CREB3L1: variants seen among roughly 807,000 people sequenced by gnomAD.
CREB3L1 encodes cAMP responsive element binding protein 3 like 1.
CREB3L1 carries 33 observed loss-of-function variants against 54.5 expected under a neutral mutation model. The ratio of observed to expected loss-of-function variants is 0.61; its 90% CI spans 0.46 to 0.81. The LOEUF is 0.81. CREB3L1 is among the 30% of genes least tolerant of loss of function. The pLI, the probability that CREB3L1 is intolerant of heterozygous loss-of-function variation, is 0.00. For synonymous variants in CREB3L1, 284 were observed against 286.4 expected, an observed-to-expected ratio of 0.99 and a Z score of 0.08; for missense variants, 656 against 673.3, an observed-to-expected ratio of 0.97 and a Z score of 0.29.
At position 46,320,290 on chromosome 11, in the gene CREB3L1, G is replaced by A. The variant is rs1170864052; in HGVS notation, c.1285G>A (p.Asp429Asn). 24 of 1,611,148 alleles carry A rather than the reference G, an allele frequency of 1.5e-5. No homozygotes were observed. Among genetic ancestry groups the A allele is most frequent in the South Asian group, 3.3e-5 (3 of 90,796 alleles). ...QMPSRSLLFY[D>N]DGAGLWEDGR... The stretch of plus-strand genomic sequence containing the variant: ...GCCCTCCCGAAGCCTCCTATTCTAC[G>A]ATGACGGGGCAGGCTTATGGGAAGA... The change falls in exon 11 of 12, where the codon GAT becomes AAT. Residue 429 changes from aspartate (D) to asparagine (N), a missense_variant. Coordinates refer to ENST00000621158, the MANE Select transcript of CREB3L1 (RefSeq NM_052854.4).
chr11:46,278,052 C>T lies in CREB3L1; in HGVS notation c.-60C>T. The T allele has an allele frequency of 2.1e-6, 2 of 965,590 alleles. No individual in the cohort carries two copies. The highest frequency in any genetic ancestry group is 1.5e-6 in the Non-Finnish European group (1 of 684,414). The allele number at this position is 965,590 out of a possible 1,614,324, so 59.8% of individuals were successfully genotyped here. ...GCTCAGGCAGGAGCTCTGGACTGGG[C>T]GCGCCGCCGCCCTGGAGTGAGGGAA... On this transcript the variant is annotated 5_prime_UTR_variant, in exon 1 of 12. Transcript: ENST00000621158. The surrounding 1 kb of genome is among the most constrained non-coding windows in gnomAD (Gnocchi z 4.2).
chr11:46,279,251 A>G (rs1448525093), intron 1 of CREB3L1, among the ~76,000 whole-genome samples: 1 of 151,948 alleles, frequency 6.6e-6, no homozygotes, highest in Non-Finnish European at 1.5e-5. Flanking sequence ...ACCAAGATAA[A>G]CTTGGCCAGG....
intron 8 of CREB3L1, chr11:46,315,661 A>G (rs1377351352): frequency 1.1e-5 from 2 of 178,458 alleles, no homozygotes; most frequent in Admixed American, 1.3e-4. Context: ...CGTCTCTACT[A>G]AAAATACAAA....
At chr11:46,301,380 G>A (rs1343907256) in intron 2 of CREB3L1, among the ~76,000 whole-genome samples, 1 of 151,982 alleles carries the variant, frequency 6.6e-6, no homozygotes, top group African/African-American at 2.4e-5. Flanking sequence ...GCTCATGCCT[G>A]TAATCCCAGC....
intron 1 of CREB3L1, among the ~76,000 whole-genome samples, chr11:46,291,791 C>G (rs1037560633): frequency 2.0e-5 from 3 of 152,152 alleles, no homozygotes; most frequent in Admixed American, 2.0e-4. Context: ...ATAGCCTAAT[C>G]CCCAGCTGAG....
intron 8 of CREB3L1, among the ~76,000 whole-genome samples, chr11:46,314,095 G>A (rs183360133): frequency 6.8e-4 from 103 of 152,096 alleles, no homozygotes; most frequent in African/African-American, 2.3e-3. Flanking sequence ...AAAATTAGCC[G>A]GATGTGGTGG....
intron 1 of CREB3L1, among the ~76,000 whole-genome samples, chr11:46,292,357 C>A (rs1939142321): frequency 6.6e-6 from 1 of 152,218 alleles, no homozygotes; most frequent in African/African-American, 2.4e-5. Context: ...AGCTCTCTGA[C>A]ACACTCCTTT....
At chr11:46,285,296 T>C (rs1939039896) in intron 1 of CREB3L1, among the ~76,000 whole-genome samples, 1 of 152,178 alleles carries the variant, frequency 6.6e-6, no homozygotes, top group South Asian at 2.1e-4. Flanking sequence ...TCTGGAAGTC[T>C]CAGCACTCCT....
chr11:46,309,370 C>A (rs914306997), intron 3 of CREB3L1, among the ~76,000 whole-genome samples: 1 of 152,204 alleles, frequency 6.6e-6, no homozygotes, highest in Non-Finnish European at 1.5e-5. Context: ...CAAAGCCATG[C>A]ATGCTCTTGA....
chr11:46,300,464 C>T (rs572410168), intron 2 of CREB3L1, among the ~76,000 whole-genome samples: 1 of 152,266 alleles, frequency 6.6e-6, no homozygotes, highest in Non-Finnish European at 1.5e-5. Context: ...GGTTCCACCC[C>T]CAACCTGCTG....
intron 3 of CREB3L1, among the ~76,000 whole-genome samples, chr11:46,308,811 G>C (rs748947279): frequency 6.6e-6 from 1 of 152,234 alleles, no homozygotes; most frequent in Non-Finnish European, 1.5e-5. Context: ...CCACAGACCC[G>C]TGGGATCAAG....
chr11:46,316,360 C>T lies in CREB3L1; in HGVS notation c.1106C>T (p.Ala369Val). 1.9e-6 allele frequency: 3 copies of T among 1,571,196 alleles called. No individual in the cohort carries two copies. The South Asian group carries it at 3.5e-5, about 18-fold the overall frequency. ...ATCTCCAGACCTTACAAGATGGCCG[C>T]CACCCAGACTGGGACCTGCCTCATG... is the stretch of plus-strand genomic sequence containing the variant. ...NKISRPYKMAATQTGTCLMVA... is the reference protein window; with the variant it reads ...NKISRPYKMAVTQTGTCLMVA... The change falls in exon 9 of 12, where the codon GCC becomes GTC. Residue 369 changes from alanine to valine, a missense_variant. Transcript: ENST00000621158.
rs569318714 is a variant in CREB3L1 at position 46,281,727 on chromosome 11, G to A, written c.102+3514G>A. Reference sequence around the variant, plus strand: ...AGAGGCACCCCCACCCCCAGCCTTCGGGAGATTTAGGGAGATTAGAGAAGT... The same window carrying A: ...AGAGGCACCCCCACCCCCAGCCTTCAGGAGATTTAGGGAGATTAGAGAAGT... On this transcript the variant is annotated intron_variant, in intron 1 of 11. Transcript: ENST00000621158. Among the ~76,000 whole-genome samples, 9 of 152,292 alleles carry A rather than the reference G, an allele frequency of 5.9e-5. No homozygotes were observed. In the South Asian group the frequency reaches 1.2e-3, roughly 21 times the overall value.
At chr11:46,306,243 C>T (rs993111959) in intron 2 of CREB3L1, among the ~76,000 whole-genome samples, 2 of 152,120 alleles carry the variant, frequency 1.3e-5, no homozygotes, top group East Asian at 3.9e-4. Context: ...GGGCCAGGTG[C>T]AATAGCTCAT....
chr11:46,311,029 C>A lies in CREB3L1; in HGVS notation c.596-3C>A. On this transcript the variant is annotated splice_region_variant and splice_polypyrimidine_tract_variant and intron_variant, in intron 4 of 11. Coordinates refer to ENST00000621158, the MANE Select transcript of CREB3L1 (RefSeq NM_052854.4). ...CTAACTCGGTTTCCCCTGCTCTCCC[C>A]AGAGGACCTGGTGCAGATGCCTCCG... 6.3e-7 allele frequency: 1 copy of A among 1,591,868 alleles called. No homozygotes were observed. Among genetic ancestry groups the A allele is most frequent in the Non-Finnish European group, 8.6e-7 (1 of 1,169,330 alleles).
intron 1 of CREB3L1, among the ~76,000 whole-genome samples, chr11:46,284,338 A>C (rs996054635): frequency 2.6e-5 from 4 of 151,940 alleles, no homozygotes; most frequent in African/African-American, 9.7e-5. Flanking sequence ...CCTCTTCCTT[A>C]GTGGCAAAGG....
At chr11:46,285,404 C>T (rs1394841139) in intron 1 of CREB3L1, among the ~76,000 whole-genome samples, 2 of 152,144 alleles carry the variant, frequency 1.3e-5, no homozygotes, top group Non-Finnish European at 2.9e-5. Flanking sequence ...GGAAGCCAGA[C>T]TGAATGGCAG....
chr11:46,280,000 G>A (rs973980216), intron 1 of CREB3L1, among the ~76,000 whole-genome samples: 1 of 152,178 alleles, frequency 6.6e-6, no homozygotes, highest in African/African-American at 2.4e-5. Flanking sequence ...CCCTGCTGGG[G>A]AGGCTCCTGA....
intron 9 of CREB3L1, 129 bp from the exon 10 acceptor site, chr11:46,317,232 G>A (rs1939580483): frequency 1.6e-6 from 2 of 1,215,838 alleles, no homozygotes; most frequent in Non-Finnish European, 2.3e-6. Context: ...GTGGTCGACT[G>A]GAGCAGCTGC....
Sources: gnomAD v4.1 joint callset for allele counts (sites outside exome capture counted in the v4.1 genomes callset) on GRCh38, gnomAD v4.1.1 for gene constraint, Gnocchi (gnomAD v3.1) non-coding constraint, MANE v1.5 for transcripts, NCBI Gene and HGNC (gene_info 2026-07-23, HGNC 2026-07-21) for gene names.